The following DAPL1 variants were observed in gnomAD, a reference collection of about 807,000 sequenced individuals.
The protein encoded by DAPL1 is death associated protein like 1.
In DAPL1, 17 loss-of-function variants were observed where a neutral mutation model predicts 12.9. The ratio of observed to expected loss-of-function variants is 1.32; its 90% CI spans 0.90 to 1.98. The LOEUF (loss-of-function observed/expected upper bound fraction) is 1.98, where lower values mean the gene tolerates loss of function less well. DAPL1 is among the 30% of genes most tolerant of loss of function. The pLI is 0.00. For synonymous variants in DAPL1, 51 were observed against 42.0 expected (o/e 1.21, Z -0.82); for missense variants, 157 against 125.7 (o/e 1.25, Z -1.19).
intron 3 of DAPL1, among the ~76,000 whole-genome samples, chr2:158,807,992 C>G (rs973509111): frequency 1.3e-5 from 2 of 152,160 alleles, no homozygotes; most frequent in Non-Finnish European, 2.9e-5. Context: ...TCAGAAAACT[C>G]TTACCAAGTA....
Position 158,815,699 on chromosome 2 carries a change from C to T in DAPL1, c.208-6C>T, listed in dbSNP as rs748131907. 1.3e-6 allele frequency: 2 copies of T among 1,591,752 alleles called. No individual in the cohort carries two copies. Among genetic ancestry groups the T allele is most frequent in the East Asian group, 2.2e-5 (1 of 44,796 alleles). ...TGCCTATTTTTTCTTCCCTTCTCACCTTTAGCTCAACTATAAATTTCCAGC... is the reference window on the plus strand; with the variant it reads ...TGCCTATTTTTTCTTCCCTTCTCACTTTTAGCTCAACTATAAATTTCCAGC... On this transcript the variant is annotated splice_region_variant and splice_polypyrimidine_tract_variant and intron_variant, in intron 3 of 3. Transcript: ENST00000309950.
rs144190172 is a variant in DAPL1 at position 158,814,882 on chromosome 2, GAA to G, written c.208-821_208-820del. Among the ~76,000 whole-genome samples, 51 of 152,236 alleles carry G rather than the reference GAA, an allele frequency of 3.4e-4. No homozygotes were observed. The East Asian group carries it at 9.6e-3, about 29-fold the overall frequency. On this transcript the variant is annotated intron_variant, in intron 3 of 3. Coordinates refer to ENST00000309950, the MANE Select transcript of DAPL1 (RefSeq NM_001017920.3). ...GTACTTTTACATATTGATGGGCTTG[GAA>G]ACCAAGAACTAGCATGGACCCAAAA... is the stretch of plus-strand genomic sequence containing the variant.
At chr2:158,799,392 T>G (rs2059153184) in intron 1 of DAPL1, among the ~76,000 whole-genome samples, 1 of 152,014 alleles carries the variant, frequency 6.6e-6, no homozygotes, top group Non-Finnish European at 1.5e-5. Context: ...CTTAAATGGA[T>G]CGATTTGGAT....
intron 2 of DAPL1, among the ~76,000 whole-genome samples, chr2:158,806,045 T>C (rs2059199258): frequency 6.7e-6 from 1 of 148,474 alleles, no homozygotes; most frequent in African/African-American, 2.4e-5. Context: ...TATATCCCCC[T>C]CTGCTATTTA....
rs143799179 is a variant in DAPL1, at chr2:158,807,083, A to G, written c.175A>G (p.Thr59Ala). 1.4e-5 allele frequency: 23 copies of G among 1,612,356 alleles called. No homozygotes were observed. Among genetic ancestry groups the G allele is most frequent in the Non-Finnish European group, 1.9e-5 (22 of 1,178,938 alleles). Residue 59 changes from threonine (T) to alanine (A), a missense_variant, in exon 3 of 4, where the codon ACA becomes GCA. Coordinates refer to ENST00000309950, the MANE Select transcript of DAPL1 (RefSeq NM_001017920.3). Reference protein sequence around the residue: ...SAIANVAKIQTLDALNDALEK... With the variant: ...SAIANVAKIQALDALNDALEK... ...CATTGCAAATGTTGCCAAAATACAG[A>G]CACTGGATGCCCTGAATGACGCACT...
Position 158,810,620 on chromosome 2 carries a change from C to T in DAPL1, c.207+3505C>T, listed in dbSNP as rs141113372. Among the ~76,000 whole-genome samples, 1,238 of 152,278 alleles carry T rather than the reference C, an allele frequency of 8.1e-3. 10 individuals are homozygous for T. Among genetic ancestry groups the T allele is most frequent in the Non-Finnish European group, 0.011 (745 of 68,020 alleles). ...GAATTGTGTAAATCAAAGTGGGAAG[C>T]AGCCTAGAATCTACCCCCACAGTAT... On this transcript the variant is annotated intron_variant, in intron 3 of 3. Coordinates refer to ENST00000309950, the MANE Select transcript of DAPL1 (RefSeq NM_001017920.3).
chr2:158,795,493 T>C, intron 1 of DAPL1, 63 bp downstream of exon 1: 6 of 1,474,810 alleles, frequency 4.1e-6, no homozygotes, highest in Non-Finnish European at 4.6e-6. Flanking sequence ...ACCAATGCCT[T>C]CCATGGAGCA....
rs114805117 is a variant in DAPL1, at chr2:158,806,250, G to A, written c.147-805G>A. On this transcript the variant is annotated intron_variant, in intron 2 of 3. Transcript: ENST00000309950. ...AAACCATCCAGAAAAAAAAAAATAT[G>A]CCAAGTGCAGAGTTTCTTCAAGACA... Among the ~76,000 whole-genome samples the A allele has an allele frequency of 2.7e-3, 366 of 135,084 alleles. 42 individuals are homozygous for A. The highest frequency in any genetic ancestry group is 5.1e-3 in the Non-Finnish European group (301 of 59,032). 88.6% of individuals were successfully genotyped at this position (135,084 alleles called of 152,430 possible). A position where few individuals can be genotyped will look rare whatever the true frequency, so the allele number is the denominator to read the frequency against.
chr2:158,799,490 A>G (rs2059153637), intron 1 of DAPL1, among the ~76,000 whole-genome samples: 1 of 152,036 alleles, frequency 6.6e-6, no homozygotes, highest in African/African-American at 2.4e-5. Context: ...CATTGTAAAT[A>G]ATGGCTTGTC....
At chr2:158,811,620 A>G (rs993980010) in intron 3 of DAPL1, among the ~76,000 whole-genome samples, 1 of 152,172 alleles carries the variant, frequency 6.6e-6, no homozygotes, top group African/African-American at 2.4e-5. Flanking sequence ...GGAAGTTTCT[A>G]TTGATCCACT....
intron 3 of DAPL1, among the ~76,000 whole-genome samples, chr2:158,814,849 T>A (rs2059251644): frequency 6.6e-6 from 1 of 152,172 alleles, no homozygotes; most frequent in Non-Finnish European, 1.5e-5. Flanking sequence ...CAAGGGAGGT[T>A]TCTTTAGGTA....
intron 1 of DAPL1, among the ~76,000 whole-genome samples, chr2:158,796,033 T>C (rs766053972): frequency 1.3e-5 from 2 of 152,222 alleles, no homozygotes; most frequent in Admixed American, 1.3e-4. Context: ...GTCAAGGTGT[T>C]TGCAAAGCAT....
intron 2 of DAPL1, among the ~76,000 whole-genome samples, chr2:158,805,262 C>G (rs2059194343): frequency 6.6e-6 from 1 of 152,152 alleles, no homozygotes; most frequent in Admixed American, 6.5e-5. Context: ...TCTGGGAAGA[C>G]ATTTTTTGAG....
At chr2:158,815,404 T>C (rs1035028645) in intron 3 of DAPL1, among the ~76,000 whole-genome samples, 1 of 152,210 alleles carries the variant, frequency 6.6e-6, no homozygotes, top group African/African-American at 2.4e-5. Context: ...AGATGCATAC[T>C]AGTGCCAGAA....
At chr2:158,806,559 G>T (rs951650587) in intron 2 of DAPL1, among the ~76,000 whole-genome samples, 3 of 152,104 alleles carry the variant, frequency 2.0e-5, no homozygotes, top group Non-Finnish European at 4.4e-5. Flanking sequence ...AAATGGCTAG[G>T]CACAGTGGCT....
chr2:158,815,565 A>G, intron 3 of DAPL1, 140 bp from the exon 4 acceptor site: 2 of 679,462 alleles, frequency 2.9e-6, no homozygotes, highest in African/African-American at 1.8e-5. Context: ...TAGAAATAGT[A>G]TGGAAAAAAA....
At chr2:158,803,254 A>G (rs1222178104) in intron 1 of DAPL1, among the ~76,000 whole-genome samples, 2 of 152,214 alleles carry the variant, frequency 1.3e-5, no homozygotes, top group African/African-American at 2.4e-5. Context: ...AGACCTTTTT[A>G]TGGCTTTTGA....
At chr2:158,798,592 G>A (rs770499083) in intron 1 of DAPL1, among the ~76,000 whole-genome samples, 3 of 152,128 alleles carry the variant, frequency 2.0e-5, no homozygotes, top group Non-Finnish European at 4.4e-5. Context: ...ACGGAAGAGT[G>A]AACGGAGACT....
At chr2:158,813,259 T>C (rs1403213245) in intron 3 of DAPL1, among the ~76,000 whole-genome samples, 2 of 152,118 alleles carry the variant, frequency 1.3e-5, no homozygotes, top group African/African-American at 4.8e-5. Context: ...TACTGTTTAA[T>C]TGGTACCGAG....
Sources: gnomAD v4.1 joint callset for allele counts (sites outside exome capture counted in the v4.1 genomes callset) on GRCh38, gnomAD v4.1.1 for gene constraint, MANE v1.5 for transcripts, NCBI Gene and HGNC (gene_info 2026-07-23, HGNC 2026-07-21) for gene names.